RPRD1A: variants seen among roughly 807,000 people sequenced by gnomAD.
RPRD1A encodes regulation of nuclear pre-mRNA domain containing 1A.
A neutral mutation model predicts 37.8 loss-of-function variants in RPRD1A; 9 were observed. The ratio of observed to expected loss-of-function variants is 0.24; its 90% confidence interval spans 0.14 to 0.42. The LOEUF is 0.42. Ranked by LOEUF, RPRD1A falls within the 10% of genes least tolerant of loss-of-function variation. RPRD1A has a pLI of 1.00. For synonymous variants in RPRD1A, 138 were observed against 139.7 expected (o/e 0.99, Z 0.08); for missense variants, 255 against 371.0 (o/e 0.69, Z 2.57).
intron 6 of RPRD1A, among the ~76,000 whole-genome samples, chr18:36,014,435 A>C (rs921456068): frequency 5.3e-5 from 8 of 152,200 alleles, no homozygotes; most frequent in Admixed American, 4.6e-4. Flanking sequence ...AACAGAAAAC[A>C]ACCTGATTTT....
intron 1 of RPRD1A, among the ~76,000 whole-genome samples, chr18:36,048,004 G>C (rs1175827903): frequency 1.3e-5 from 2 of 149,630 alleles, no homozygotes; most frequent in South Asian, 4.2e-4. Flanking sequence ...ACCAGACACA[G>C]CATCCAAAAA....
intron 1 of RPRD1A, among the ~76,000 whole-genome samples, chr18:36,060,389 G>T (rs1179696851): frequency 6.6e-6 from 1 of 151,904 alleles, no homozygotes; most frequent in East Asian, 1.9e-4. Flanking sequence ...AACCGAGATC[G>T]CGCCACTGCA....
intron 1 of RPRD1A, among the ~76,000 whole-genome samples, chr18:36,038,687 C>T (rs1224456379): frequency 1.3e-5 from 2 of 152,170 alleles, no homozygotes; most frequent in African/African-American, 2.4e-5. Context: ...AACTTGCATT[C>T]GTGCCTGGAA....
intron 1 of RPRD1A, among the ~76,000 whole-genome samples, chr18:36,034,554 A>G (rs1263434702): frequency 6.6e-6 from 1 of 152,214 alleles, no homozygotes; most frequent in Non-Finnish European, 1.5e-5. Flanking sequence ...TATGACTCAA[A>G]TAAGATTATA....
At chr18:35,995,120 G>A (rs1908949326) in intron 6 of RPRD1A, among the ~76,000 whole-genome samples, 2 of 152,112 alleles carry the variant, frequency 1.3e-5, no homozygotes, top group South Asian at 4.1e-4. Context: ...AGAGAAGTGA[G>A]CATGTATTTG....
intron 6 of RPRD1A, among the ~76,000 whole-genome samples, chr18:36,007,377 CATGCTA>C (rs1212685279): frequency 6.6e-6 from 1 of 152,142 alleles, no homozygotes; most frequent in African/African-American, 2.4e-5. Context: ...AGATATCAGA[CATGCTA>C]AGTGGCAAAT....
At chr18:36,010,570 A>G (rs915753296) in intron 6 of RPRD1A, among the ~76,000 whole-genome samples, 2 of 152,200 alleles carry the variant, frequency 1.3e-5, no homozygotes, top group African/African-American at 2.4e-5. Context: ...TAGGACATCA[A>G]TGTCTTTTGT....
chr18:36,019,540 TAGAC>T (rs1178647050), intron 6 of RPRD1A, among the ~76,000 whole-genome samples: 3 of 152,222 alleles, frequency 2.0e-5, no homozygotes, highest in East Asian at 1.9e-4. Flanking sequence ...GACAACCACT[TAGAC>T]AGGGGTGGTT....
In RPRD1A at chr18:36,012,132, A is replaced by G. The variant is rs980279112; in HGVS notation, c.789+14768T>C. On this transcript the variant is annotated intron_variant, in intron 6 of 6. Coordinates refer to ENST00000399022, the MANE Select transcript of RPRD1A (RefSeq NM_018170.5). ...TTTTGGCCAACAATGGACTGCATAT[A>G]CAACAGTGGTCCTGTAAGACTATAA... is the stretch of plus-strand genomic sequence containing the variant. Among the ~76,000 whole-genome samples, 3 of 152,192 alleles carry G rather than the reference A, an allele frequency of 2.0e-5. No homozygotes were observed. In the South Asian group the frequency reaches 6.2e-4, roughly 32 times the overall value.
intron 6 of RPRD1A, among the ~76,000 whole-genome samples, chr18:35,995,234 T>C (rs1299519257): frequency 1.3e-5 from 2 of 151,746 alleles, no homozygotes; most frequent in African/African-American, 4.8e-5. Flanking sequence ...TAAGACTATC[T>C]GCTCTCCAAT....
intron 1 of RPRD1A, among the ~76,000 whole-genome samples, chr18:36,045,763 C>T (rs1912910524): frequency 6.6e-6 from 1 of 152,090 alleles, no homozygotes; most frequent in South Asian, 2.1e-4. Flanking sequence ...AATGCACAAC[C>T]AACAATCAAT....
At chr18:36,063,716 A>G (rs894497027) in intron 1 of RPRD1A, among the ~76,000 whole-genome samples, 7 of 152,242 alleles carry the variant, frequency 4.6e-5, no homozygotes. Context: ...TCATTAAACT[A>G]CAGGAGATGA....
intron 6 of RPRD1A, 24 bp downstream of exon 6, chr18:36,026,876 C>A (rs1911405369): frequency 6.3e-7 from 1 of 1,589,468 alleles, no homozygotes; most frequent in African/African-American, 1.4e-5. Flanking sequence ...TAAATAAGCA[C>A]TAAAGAAGAA....
chr18:36,014,230 T>C (rs1318648657), intron 6 of RPRD1A, among the ~76,000 whole-genome samples: 3 of 152,224 alleles, frequency 2.0e-5, no homozygotes, highest in Admixed American at 6.5e-5. Context: ...GTCCAGAAGA[T>C]AGAACAGACT....
rs1054898697 is a variant in RPRD1A, at chr18:36,019,554, T to G, written c.789+7346A>C. Among the ~76,000 whole-genome samples the G allele has an allele frequency of 3.9e-5, 6 of 152,166 alleles. No homozygotes were observed. In the South Asian group the frequency reaches 1.0e-3, roughly 26 times the overall value. ...TGACAACCACTTAGACAGGGGTGGTTTGGCAGCAGTTATGAAACATGTATG... is the reference window on the plus strand; with the variant it reads ...TGACAACCACTTAGACAGGGGTGGTGTGGCAGCAGTTATGAAACATGTATG... On this transcript the variant is annotated intron_variant, in intron 6 of 6. Transcript: ENST00000399022.
chr18:36,066,794 T>C (rs1235636127), intron 1 of RPRD1A, among the ~76,000 whole-genome samples: 3 of 152,262 alleles, frequency 2.0e-5, no homozygotes, highest in African/African-American at 7.2e-5. Context: ...CCCATCTTCT[T>C]ATATTAGACT....
In RPRD1A at chr18:35,997,647, G is replaced by A. The variant is rs141003138; in HGVS notation, c.790-4347C>T. 1.4e-4 allele frequency among the ~76,000 whole-genome samples: 22 copies of A among 152,256 alleles called. 1 individual carries two copies. The highest frequency in any genetic ancestry group is 5.1e-4 in the African/African-American group (21 of 41,548). On this transcript the variant is annotated intron_variant, in intron 6 of 6. Coordinates refer to ENST00000399022, the MANE Select transcript of RPRD1A (RefSeq NM_018170.5). ...AAGATCAGCAAAGAAAACCAACTTT[G>A]CACCTTTTTCCTCTACTACAAATTT...
At chr18:36,065,148 G>C (rs1316018693) in intron 1 of RPRD1A, among the ~76,000 whole-genome samples, 1 of 152,204 alleles carries the variant, frequency 6.6e-6, no homozygotes. Context: ...AAGTCAGCGA[G>C]ACCAAGAACC....
intron 1 of RPRD1A, among the ~76,000 whole-genome samples, chr18:36,064,699 G>C (rs1216777809): frequency 2.0e-5 from 3 of 152,114 alleles, no homozygotes; most frequent in African/African-American, 7.2e-5. Context: ...GACGTGGCTG[G>C]GGCCAGATAA....
Sources: allele counts gnomAD v4.1 joint callset (sites outside exome capture counted in the v4.1 genomes callset), GRCh38; gene constraint gnomAD v4.1.1; transcripts MANE v1.5; gene names NCBI Gene and HGNC (gene_info 2026-07-23, HGNC 2026-07-21).